The following TULP4 variants were observed in gnomAD, a reference collection of about 807,000 sequenced individuals.
The protein encoded by TULP4 is TUB like protein 4.
In TULP4, 16 loss-of-function variants were observed where a neutral mutation model predicts 129.0. The observed-to-expected ratio is 0.12, with a 90% CI of 0.08 to 0.19. The LOEUF (loss-of-function observed/expected upper bound fraction) is 0.19. TULP4 is among the 10% of genes least tolerant of loss of function. The probability of loss-of-function intolerance (pLI) is 1.00; values close to 1 mark genes in which losing one functional copy is unlikely to be tolerated. For synonymous variants in TULP4, 998 were observed against 854.0 expected (o/e 1.17, Z -2.94); for missense variants, 1,842 against 2,059.1 (o/e 0.89, Z 2.04).
intron 1 of TULP4, among the ~76,000 whole-genome samples, chr6:158,321,845 A>G (rs929544923): frequency 1.3e-5 from 2 of 152,226 alleles, no homozygotes; most frequent in Non-Finnish European, 2.9e-5. Context: ...TATTATAAAA[A>G]TTTACTTCTA....
chr6:158,338,583 G>C (rs1331486471), intron 1 of TULP4, among the ~76,000 whole-genome samples: 1 of 152,158 alleles, frequency 6.6e-6, no homozygotes, highest in Non-Finnish European at 1.5e-5. Context: ...GCGGAATTTA[G>C]CATTCCACAT....
At position 158,274,699 on chromosome 6, in the gene TULP4, C is replaced by T. The variant is rs577437795; in HGVS notation, n.69-37352C>T. Among the ~76,000 whole-genome samples, 100 of 152,294 alleles carry T rather than the reference C, an allele frequency of 6.6e-4. 1 individual carries two copies. The highest frequency in any genetic ancestry group is 2.1e-3 in the African/African-American group (86 of 41,564). ...GGCTGAGGCAGGAGAATGGCCTGAA[C>T]CCAGGAGGCGGAGCTTGCAGTGAGC... is the stretch of plus-strand genomic sequence containing the variant. On this transcript the variant is annotated intron_variant and non_coding_transcript_variant, in intron 1 of 1. Coordinates refer to the TULP4 transcript ENST00000620026.
At chr6:158,349,742 T>C in intron 1 of TULP4, among the ~76,000 whole-genome samples, 2 of 119,296 alleles carry the variant, frequency 1.7e-5, no homozygotes, top group African/African-American at 3.3e-5. Flanking sequence ...GCTCCTCAAT[T>C]CCCAGACGGG....
Position 158,510,672 on chromosome 6 carries a change from A to C in TULP4, c.*3978A>C, listed in dbSNP as rs1424758419. 6.6e-6 allele frequency: 1 copy of C among 152,216 alleles called. No individual in the cohort carries two copies. The highest frequency in any genetic ancestry group is 1.5e-5 in the Non-Finnish European group (1 of 68,042). 9.4% of individuals were successfully genotyped at this position (152,216 alleles called of 1,614,324 possible). A position where few individuals can be genotyped will look rare whatever the true frequency, so the allele number is the denominator to read the frequency against. ...TTTGGAATTGTGTTTGTTCTCATAG[A>C]ATATACAAAAGTACTGATTCTAGGT... On this transcript the variant is annotated 3_prime_UTR_variant, in exon 14 of 14. Transcript: ENST00000367097.
rs969384018 is a variant in TULP4, at chr6:158,493,467, C to T, written c.1632-106C>T. 22 of 1,250,284 alleles carry T rather than the reference C, an allele frequency of 1.8e-5. No homozygotes were observed. The African/African-American group carries it at 2.0e-4, about 11-fold the overall frequency. The allele number at this position is 1,250,284 out of a possible 1,614,324, so 77.4% of individuals were successfully genotyped here. ...GGGCACTGGCTGCAGGGTGAGAACC[C>T]AACACCCAGGCTGGCTGTCCAGAAA... is the stretch of plus-strand genomic sequence containing the variant. On this transcript the variant is annotated intron_variant, in intron 9 of 13. Coordinates refer to ENST00000367097, the MANE Select transcript of TULP4 (RefSeq NM_020245.5). This position sits in a 1 kb window ranked among gnomAD's most constrained non-coding sequence, Gnocchi z 4.4.
In TULP4 at chr6:158,493,024, G is replaced by A. The variant is rs114966013; in HGVS notation, c.1632-549G>A. 1.4e-3 allele frequency among the ~76,000 whole-genome samples: 219 copies of A among 152,316 alleles called. No homozygotes were observed. Among genetic ancestry groups the A allele is most frequent in the African/African-American group, 5.1e-3 (212 of 41,582 alleles). On this transcript the variant is annotated intron_variant, in intron 9 of 13. Transcript: ENST00000367097. The surrounding 1 kb of genome is among the most constrained non-coding windows in gnomAD (Gnocchi z 4.4). ...AATTATAAGAATCACTGGCATTAGG[G>A]TAAGAAATGACTTGTTCCACCTGCC... is the stretch of plus-strand genomic sequence containing the variant.
intron 1 of TULP4, among the ~76,000 whole-genome samples, chr6:158,255,883 G>T (rs1778232373): frequency 6.6e-6 from 1 of 152,204 alleles, no homozygotes; most frequent in Non-Finnish European, 1.5e-5. Flanking sequence ...AGGCAGAATT[G>T]ATCTAGTCAG....
At chr6:158,441,346 A>T (rs148354637) in intron 3 of TULP4, among the ~76,000 whole-genome samples, 114 of 152,290 alleles carry the variant, frequency 7.5e-4, no homozygotes, top group South Asian at 3.1e-3. Flanking sequence ...AAAAGATGAG[A>T]GGAATTTATT....
In TULP4 at chr6:158,504,189, A is replaced by AG. The variant is rs768901860; in HGVS notation, c.4515+12dup. On this transcript the variant is annotated intron_variant, in intron 13 of 13. Transcript: ENST00000367097. ...TTAGAGGGGCGGCAGGTAAGACCTCAGACCAGGTGGCGCTGCGAGCCCAGG... is the reference window on the plus strand; with the variant it reads ...TTAGAGGGGCGGCAGGTAAGACCTCAGGACCAGGTGGCGCTGCGAGCCCAGG... 5.2e-6 allele frequency: 8 copies of AG among 1,550,448 alleles called. No individual in the cohort carries two copies. Among genetic ancestry groups the AG allele is most frequent in the Admixed American group, 2.0e-5 (1 of 51,246 alleles).
chr6:158,494,564 T>G (rs1280421800), intron 10 of TULP4, among the ~76,000 whole-genome samples, 189 bp from the exon 11 acceptor site: 1 of 152,030 alleles, frequency 6.6e-6, no homozygotes, highest in Non-Finnish European at 1.5e-5. Flanking sequence ...GCGCCCCCAC[T>G]CACTGCTGCG....
At chr6:158,490,979 A>G (rs1201987839) in intron 9 of TULP4, among the ~76,000 whole-genome samples, 3 of 152,204 alleles carry the variant, frequency 2.0e-5, no homozygotes, top group African/African-American at 7.2e-5. Context: ...AATCCATGAT[A>G]AACATTCTTA....
At chr6:158,360,927 T>C (rs543228562) in intron 1 of TULP4, among the ~76,000 whole-genome samples, 15 of 152,230 alleles carry the variant, frequency 9.9e-5, no homozygotes, top group Non-Finnish European at 1.8e-4. Context: ...TTGATATAGT[T>C]GAACTTAGGT....
At chr6:158,337,719 C>T (rs1003887939) in intron 1 of TULP4, among the ~76,000 whole-genome samples, 5 of 151,874 alleles carry the variant, frequency 3.3e-5, no homozygotes, top group Admixed American at 2.0e-4. Flanking sequence ...ACCAATCAAT[C>T]GACTTATCTG....
At chr6:158,344,982 TGA>T (rs1780266898) in intron 1 of TULP4, among the ~76,000 whole-genome samples, 2 of 152,230 alleles carry the variant, frequency 1.3e-5, no homozygotes, top group Admixed American at 1.3e-4. Flanking sequence ...GGCTTATTGC[TGA>T]TATGGAGAAA....
At chr6:158,237,817 G>T in intron 1 of TULP4, 1 of 767,004 alleles carries the variant, frequency 1.3e-6, no homozygotes. Flanking sequence ...ACTATCTGAT[G>T]ATGGCAAATG....
chr6:158,377,363 A>AACCTT (rs1213377071), intron 1 of TULP4, among the ~76,000 whole-genome samples: 1 of 152,222 alleles, frequency 6.6e-6, no homozygotes, highest in East Asian at 1.9e-4. Context: ...ATTGCATTTA[A>AACCTT]ACCTTAGGAG....
chr6:158,321,704 A>G (rs2128487173), intron 1 of TULP4, among the ~76,000 whole-genome samples: 1 of 152,330 alleles, frequency 6.6e-6, no homozygotes, highest in Non-Finnish European at 1.5e-5. Flanking sequence ...TCCAGATAAT[A>G]TCTGAAACGT....
upstream of TULP4, among the ~76,000 whole-genome samples, chr6:158,281,016 C>G (rs964711224): frequency 3.9e-5 from 6 of 152,108 alleles, no homozygotes; most frequent in Admixed American, 3.3e-4. Context: ...CTTTTGCACT[C>G]TCATTTCTTT....
intron 1 of TULP4, among the ~76,000 whole-genome samples, chr6:158,256,412 T>A (rs1475390947): frequency 1.3e-5 from 2 of 152,248 alleles, no homozygotes; most frequent in African/African-American, 4.8e-5. Context: ...TTTTCTACTT[T>A]AAGGGTAACT....
Sources: gnomAD v4.1 joint callset for allele counts (sites outside exome capture counted in the v4.1 genomes callset) on GRCh38, gnomAD v4.1.1 for gene constraint, Gnocchi (gnomAD v3.1) non-coding constraint, MANE v1.5 for transcripts, NCBI Gene and HGNC (gene_info 2026-07-23, HGNC 2026-07-21) for gene names.